ZNF669: variants seen among roughly 807,000 people sequenced by gnomAD.
ZNF669 encodes the protein zinc finger protein 669.
In ZNF669, 7 loss-of-function variants were observed where a neutral mutation model predicts 11.4. The ratio of observed to expected loss-of-function variants is 0.62; its 90% CI spans 0.35 to 1.16. The LOEUF is 1.16. ZNF669 is among the 50% of genes most tolerant of loss of function. The pLI is 0.02. For missense variants in ZNF669, 492 were observed against 463.6 expected, an observed-to-expected ratio of 1.06 and a Z score of -0.56; for synonymous variants, 153 against 155.8, an observed-to-expected ratio of 0.98 and a Z score of 0.13.
Position 247,100,247 on chromosome 1 carries a change from G to A in ZNF669, c.*127C>T. ...GATCCACCCGCCTCGGCCTCCCAAA[G>A]TGCTGGGATTACAGGCGTAAGCCAC... On this transcript the variant is annotated 3_prime_UTR_variant, in exon 4 of 4. Transcript: ENST00000448299. 3.1e-6 allele frequency: 2 copies of A among 647,012 alleles called. No homozygotes were observed. Among genetic ancestry groups the A allele is most frequent in the Non-Finnish European group, 5.2e-6 (2 of 383,612 alleles). The allele number at this position is 647,012 out of a possible 1,614,324, so 40.1% of individuals were successfully genotyped here. A position where few individuals can be genotyped will look rare whatever the true frequency, so the allele number is the denominator to read the frequency against.
rs879035633 is a variant in ZNF669 at position 247,103,971 on chromosome 1, G to A, written c.3+226C>T. On this transcript the variant is annotated intron_variant, in intron 1 of 3. Coordinates refer to ENST00000448299, the MANE Select transcript of ZNF669 (RefSeq NM_001142572.2). The stretch of plus-strand genomic sequence containing the variant: ...GGGGAGGCGAGGGGTTCCCGACAGG[G>A]CTCCGGCCGGCGGAAGTGGCGCCCG... The A allele has an allele frequency of 1.9e-6, 3 of 1,604,474 alleles. No individual in the cohort carries two copies. The Admixed American group carries it at 5.1e-5, about 27-fold the overall frequency.
chr1:247,102,814 TGAG>T (rs1671750438), intron 1 of ZNF669, among the ~76,000 whole-genome samples: 1 of 152,218 alleles, frequency 6.6e-6, no homozygotes, highest in African/African-American at 2.4e-5. Context: ...TAAATTTAAT[TGAG>T]TAGTAAATAA....
chr1:247,100,730 T>C lies in ZNF669; in HGVS notation c.781A>G (p.Thr261Ala). Reference protein sequence around the residue: ...TKCDKAFSCSTSLRYHGSIHT... With the variant: ...TKCDKAFSCSASLRYHGSIHT... ...ATGCTTCCATGGTAACGAAGGGAAGTGGAACAGCTGAAGGCTTTATCACAT... is the reference window on the plus strand; with the variant it reads ...ATGCTTCCATGGTAACGAAGGGAAGCGGAACAGCTGAAGGCTTTATCACAT... The change falls in exon 4 of 4, where the codon ACT becomes GCT. Residue 261 changes from threonine (T) to alanine (A), a missense_variant. Coordinates refer to ENST00000448299, the MANE Select transcript of ZNF669 (RefSeq NM_001142572.2). 1 of 1,614,188 alleles carries C rather than the reference T, an allele frequency of 6.2e-7. No homozygotes were observed. The highest frequency in any genetic ancestry group is 8.5e-7 in the Non-Finnish European group (1 of 1,180,022).
In ZNF669 at chr1:247,104,272, C is replaced by G; in HGVS notation, c.-73G>C. On this transcript the variant is annotated 5_prime_UTR_variant, in exon 1 of 4. Coordinates refer to ENST00000448299, the MANE Select transcript of ZNF669 (RefSeq NM_001142572.2). ...CTCGCAGGTCACAGGGTGGCAGAGGCTGCTGCAGAGCCACCTGGGCCTCCC... is the reference window on the plus strand; with the variant it reads ...CTCGCAGGTCACAGGGTGGCAGAGGGTGCTGCAGAGCCACCTGGGCCTCCC... 2 of 1,458,422 alleles carry G rather than the reference C, an allele frequency of 1.4e-6. No homozygotes were observed. The highest frequency in any genetic ancestry group is 5.5e-5 in the Admixed American group (2 of 36,692). The allele number at this position is 1,458,422 out of a possible 1,614,324, so 90.3% of individuals were successfully genotyped here.
At chr1:247,101,378 T>C in intron 3 of ZNF669, 59 bp from the exon 4 acceptor site, 1 of 1,498,670 alleles carries the variant, frequency 6.7e-7, no homozygotes, top group Non-Finnish European at 8.8e-7. Flanking sequence ...TTTCTACTTA[T>C]TAATAGGTCT....
rs1671730456 is a variant in ZNF669, at chr1:247,101,808, T to C, written c.131-17A>G. 6 of 1,612,910 alleles carry C rather than the reference T, an allele frequency of 3.7e-6. No individual in the cohort carries two copies. The highest frequency in any genetic ancestry group is 1.3e-5 in the African/African-American group (1 of 74,898). On this transcript the variant is annotated splice_polypyrimidine_tract_variant and intron_variant, in intron 2 of 3. Transcript: ENST00000448299. ...ATTGGCTTCCTAAAATGCAGACCCATAAAATTATCATGAATTATTACAAAC... is the reference window on the plus strand; with the variant it reads ...ATTGGCTTCCTAAAATGCAGACCCACAAAATTATCATGAATTATTACAAAC...
Position 247,100,070 on chromosome 1 carries a change from C to T in ZNF669, c.*304G>A, listed in dbSNP as rs752016724. On this transcript the variant is annotated 3_prime_UTR_variant, in exon 4 of 4. Transcript: ENST00000448299. ...TGCGATCTCGGCTCACTGCAAGTTC[C>T]GCCTCCCGGGTTCATGCCATTCTCC... 2.0e-5 allele frequency: 5 copies of T among 251,576 alleles called. No individual in the cohort carries two copies. Among genetic ancestry groups the T allele is most frequent in the Non-Finnish European group, 3.8e-5 (5 of 130,492 alleles). The allele number at this position is 251,576 out of a possible 1,614,324, so 15.6% of individuals were successfully genotyped here.
chr1:247,100,284 T>G lies in ZNF669; in HGVS notation c.*90A>C. ...CAGGCGTAAGCCACCGTGCCCGGCA[T>G]TATTTTATTTTTTGTAAAGACAGGG... On this transcript the variant is annotated 3_prime_UTR_variant, in exon 4 of 4. Transcript: ENST00000448299. The G allele has an allele frequency of 7.7e-5, 62 of 807,678 alleles. No homozygotes were observed. The highest frequency in any genetic ancestry group is 1.2e-4 in the Non-Finnish European group (60 of 518,858). The allele number at this position is 807,678 out of a possible 1,614,324, so 50.0% of individuals were successfully genotyped here.
Position 247,101,780 on chromosome 1 carries a change from T to TC in ZNF669, c.141dup (p.Lys48GlufsTer6). 6 of 1,613,890 alleles carry TC rather than the reference T, an allele frequency of 3.7e-6. No homozygotes were observed. Among genetic ancestry groups the TC allele is most frequent in the Non-Finnish European group, 5.1e-6 (6 of 1,179,952 alleles). On this transcript the variant is annotated frameshift_variant, in exon 3 of 4. Transcript: ENST00000448299. LOFTEE classifies it low-confidence loss of function (END_TRUNC). ...AAGTGATCTTCAATATTCTGGTCTT[T>TC]CCATTGGCTTCCTAAAATGCAGACC...
Position 247,100,090 on chromosome 1 carries a change from T to G in ZNF669, c.*284A>C. 1 of 292,240 alleles carries G rather than the reference T, an allele frequency of 3.4e-6. No individual in the cohort carries two copies. Among genetic ancestry groups the G allele is most frequent in the Non-Finnish European group, 6.4e-6 (1 of 156,020 alleles). The allele number at this position is 292,240 out of a possible 1,614,324, so 18.1% of individuals were successfully genotyped here. A position where few individuals can be genotyped will look rare whatever the true frequency, so the allele number is the denominator to read the frequency against. ...AGTTCCGCCTCCCGGGTTCATGCCA[T>G]TCTCCTGCCTCAGCCTCCCGAGTAA... On this transcript the variant is annotated 3_prime_UTR_variant, in exon 4 of 4. Coordinates refer to ENST00000448299, the MANE Select transcript of ZNF669 (RefSeq NM_001142572.2).
intron 2 of ZNF669, 58 bp downstream of exon 2, chr1:247,101,929 T>C (rs1671732901): frequency 6.2e-7 from 1 of 1,612,468 alleles, no homozygotes. Context: ...AAATCATAAA[T>C]AGCACTGATG....
rs752990838 is a variant in ZNF669 at position 247,100,338 on chromosome 1, A to G, written c.*36T>C. 14 of 1,270,266 alleles carry G rather than the reference A, an allele frequency of 1.1e-5. No homozygotes were observed. Among genetic ancestry groups the G allele is most frequent in the Middle Eastern group, 2.4e-4 (1 of 4,190 alleles). 78.7% of individuals were successfully genotyped at this position (1,270,266 alleles called of 1,614,324 possible). Reference sequence around the variant, plus strand: ...CACCATGTTGCCCAGGTTGTTTCACATTGTTTTAATCCAGGCTGGTTATGA... The same window carrying G: ...CACCATGTTGCCCAGGTTGTTTCACGTTGTTTTAATCCAGGCTGGTTATGA... On this transcript the variant is annotated 3_prime_UTR_variant, in exon 4 of 4. Coordinates refer to ENST00000448299, the MANE Select transcript of ZNF669 (RefSeq NM_001142572.2).
chr1:247,102,648 T>G (rs73133884), intron 1 of ZNF669, among the ~76,000 whole-genome samples: 4,127 of 152,314 alleles, frequency 0.027, 208 homozygotes, highest in African/African-American at 0.094. Context: ...TTTGTGTCAC[T>G]GCAGTGGTGC....
At position 247,101,007 on chromosome 1, in the gene ZNF669, T is replaced by C; in HGVS notation, c.504A>G (p.Ile168Met). 1 of 1,613,648 alleles carries C rather than the reference T, an allele frequency of 6.2e-7. No individual in the cohort carries two copies. Residue 168 changes from isoleucine (I) to methionine (M), a missense_variant, in exon 4 of 4, where the codon ATA becomes ATG. Coordinates refer to ENST00000448299, the MANE Select transcript of ZNF669 (RefSeq NM_001142572.2). Reference protein sequence around the residue: ...HSGNPAYKCTICGKAFYFLNS... With the variant: ...HSGNPAYKCTMCGKAFYFLNS... Reference sequence around the variant, plus strand: ...TGAGAAAATAAAAAGCTTTCCCACATATCGTACATTTATAAGCTGGATTTC... The same window carrying C: ...TGAGAAAATAAAAAGCTTTCCCACACATCGTACATTTATAAGCTGGATTTC...
intron 1 of ZNF669, chr1:247,103,890 C>A: frequency 6.5e-7 from 1 of 1,529,384 alleles, no homozygotes; most frequent in Non-Finnish European, 8.8e-7. Context: ...CACACCGAGA[C>A]ACCGAGTCGG....
Position 247,100,472 on chromosome 1 carries a change from G to A in ZNF669, c.1039C>T (p.Leu347Phe). The A allele has an allele frequency of 6.2e-7, 1 of 1,614,214 alleles. No homozygotes were observed. Among genetic ancestry groups the A allele is most frequent in the Non-Finnish European group, 8.5e-7 (1 of 1,180,044 alleles). The change falls in exon 4 of 4, where the codon CTT becomes TTT. Residue 347 changes from leucine (L) to phenylalanine (F), a missense_variant. Coordinates refer to ENST00000448299, the MANE Select transcript of ZNF669 (RefSeq NM_001142572.2). ...CGKAYTRSSH[L>F]TRHERSHDIE... Reference sequence around the variant, plus strand: ...TCATGACTTCTTTCATGGCGAGTAAGGTGACTGGAACGAGTGTAGGCTTTA... The same window carrying A: ...TCATGACTTCTTTCATGGCGAGTAAAGTGACTGGAACGAGTGTAGGCTTTA...
chr1:247,102,771 C>T (rs144311593), intron 1 of ZNF669, among the ~76,000 whole-genome samples: 1 of 152,074 alleles, frequency 6.6e-6, no homozygotes, highest in African/African-American at 2.4e-5. Flanking sequence ...TGAGCCCATT[C>T]CATGTGATTA....
chr1:247,100,721 G>A lies in ZNF669; in HGVS notation c.790C>T (p.Arg264Cys), dbSNP rs763192149. ...DKAFSCSTSLRYHGSIHTGER... is the reference protein window; with the variant it reads ...DKAFSCSTSLCYHGSIHTGER... ...CCAGTATGAATGCTTCCATGGTAACGAAGGGAAGTGGAACAGCTGAAGGCT... is the reference window on the plus strand; with the variant it reads ...CCAGTATGAATGCTTCCATGGTAACAAAGGGAAGTGGAACAGCTGAAGGCT... Residue 264 changes from arginine to cysteine, a missense_variant, in exon 4 of 4, where the codon CGT becomes TGT. Coordinates refer to ENST00000448299, the MANE Select transcript of ZNF669 (RefSeq NM_001142572.2). The A allele has an allele frequency of 1.2e-5, 19 of 1,614,066 alleles. No homozygotes were observed. The highest frequency in any genetic ancestry group is 3.3e-4 in the Middle Eastern group (2 of 6,084).
chr1:247,101,629 A>C, intron 3 of ZNF669, 102 bp downstream of exon 3: 1 of 1,173,566 alleles, frequency 8.5e-7, no homozygotes, highest in South Asian at 1.5e-5. Context: ...AAAATAAATA[A>C]ATTTCAAGTG....
Sources: allele counts gnomAD v4.1 joint callset (sites outside exome capture counted in the v4.1 genomes callset), GRCh38; gene constraint gnomAD v4.1.1; transcripts MANE v1.5; gene names NCBI Gene and HGNC (gene_info 2026-07-23, HGNC 2026-07-21).